KDM8: variants seen among roughly 807,000 people sequenced by gnomAD.
KDM8 encodes lysine demethylase 8, also known as bifunctional peptidase and arginyl-hydroxylase JMJD5.
A neutral mutation model predicts 46.9 loss-of-function variants in KDM8; 35 were observed. The ratio of observed to expected loss-of-function variants is 0.75; its 90% CI spans 0.57 to 0.99. The LOEUF (loss-of-function observed/expected upper bound fraction) is 0.99. Among genes scored for constraint, KDM8 ranks in the 50% least tolerant of loss-of-function variants. The pLI, the probability that KDM8 is intolerant of heterozygous loss-of-function variation, is 0.00. For synonymous variants in KDM8, 232 were observed against 227.7 expected (o/e 1.02, Z -0.17); for missense variants, 475 against 537.0 (o/e 0.88, Z 1.14).
chr16:27,213,532 A>G, intron 2 of KDM8, 53 bp from the exon 3 acceptor site: 3 of 1,586,874 alleles, frequency 1.9e-6, no homozygotes, highest in South Asian at 1.1e-5. Flanking sequence ...GAATACCTCA[A>G]ATGTCGACTT....
At position 27,213,633 on chromosome 16, in the gene KDM8, A is replaced by C; in HGVS notation, c.547A>C (p.Thr183Pro). The change falls in exon 3 of 8, where the codon ACA becomes CCA. Residue 183 changes from threonine (T) to proline (P), a missense_variant. Physicochemically the swap from Thr to Pro is conservative, Grantham distance 38. Coordinates refer to ENST00000286096, the MANE Select transcript of KDM8 (RefSeq NM_024773.3). ...GLIPDVKLEK[T>P]VPRLHRPSLQ... is the part of the protein sequence containing the mutation. ...GATTCCAGATGTGAAGTTAGAAAAA[A>C]CAGTCCCCCGGCTGCACCGTCCGTC... 2 of 1,614,112 alleles carry C rather than the reference A, an allele frequency of 1.2e-6. No homozygotes were observed. The highest frequency in any genetic ancestry group is 1.7e-6 in the Non-Finnish European group (2 of 1,180,012).
chr16:27,209,875 C>A (rs138120629), intron 1 of KDM8, among the ~76,000 whole-genome samples: 1 of 152,198 alleles, frequency 6.6e-6, no homozygotes, highest in Non-Finnish European at 1.5e-5. Context: ...TCTGAACAGA[C>A]GTTTATCCAG....
Position 27,210,367 on chromosome 16 carries a change from G to A in KDM8, c.244G>A (p.Gly82Ser). Residue 82 changes from glycine (G) to serine (S), a missense_variant, in exon 2 of 8, where the codon GGC becomes AGC. Gly to Ser is a moderately conservative substitution (Grantham distance 56). Transcript: ENST00000286096. ...CTACTCCTGGGAGAAGCTCAACACGGGCACATGGCAGGACGTAGACAAAGA... is the reference window on the plus strand; with the variant it reads ...CTACTCCTGGGAGAAGCTCAACACGAGCACATGGCAGGACGTAGACAAAGA... ...LDYSWEKLNT[G>S]TWQDVDKDWR... The A allele has an allele frequency of 6.2e-7, 1 of 1,613,410 alleles. No homozygotes were observed. The highest frequency in any genetic ancestry group is 8.5e-7 in the Non-Finnish European group (1 of 1,180,034).
Position 27,216,006 on chromosome 16 carries a change from G to C in KDM8, c.843+17G>C, listed in dbSNP as rs199973631. 47 of 1,613,830 alleles carry C rather than the reference G, an allele frequency of 2.9e-5. No individual in the cohort carries two copies. The highest frequency in any genetic ancestry group is 3.6e-5 in the Non-Finnish European group (43 of 1,179,824). ...TTTGACCAGGTAAGTCTGAGGCCAC[G>C]CACCTCTGCCCCTCACCGTCTCACC... On this transcript the variant is annotated intron_variant, in intron 5 of 7. Coordinates refer to ENST00000286096, the MANE Select transcript of KDM8 (RefSeq NM_024773.3).
intron 1 of KDM8, among the ~76,000 whole-genome samples, chr16:27,208,203 C>T (rs995109068): frequency 5.9e-5 from 9 of 152,184 alleles, no homozygotes; most frequent in East Asian, 5.8e-4. Context: ...TCTCCAAGGC[C>T]GATTTGCAAA....
intron 1 of KDM8, among the ~76,000 whole-genome samples, chr16:27,209,366 A>T (rs1163676423): frequency 6.6e-6 from 1 of 152,218 alleles, no homozygotes; most frequent in African/African-American, 2.4e-5. Context: ...AGCTGGGACC[A>T]CAGGCATGTA....
At chr16:27,217,987 G>A (rs2083573653) in intron 5 of KDM8, among the ~76,000 whole-genome samples, 1 of 152,084 alleles carries the variant, frequency 6.6e-6, no homozygotes. Flanking sequence ...CTTAGAGTGA[G>A]TGTGTTTTCA....
In KDM8 at chr16:27,220,773, A is replaced by G; in HGVS notation, c.*43A>G. 6.2e-7 allele frequency: 1 copy of G among 1,604,056 alleles called. No individual in the cohort carries two copies. The highest frequency in any genetic ancestry group is 8.5e-7 in the Non-Finnish European group (1 of 1,170,882). On this transcript the variant is annotated 3_prime_UTR_variant, in exon 8 of 8. Transcript: ENST00000286096. ...AGGGCCTGACATGCAGACAGCATTC[A>G]TCTGTTCACTAATTTCCTGGGTCCT...
At chr16:27,211,707 C>T (rs999912643) in intron 2 of KDM8, 1 of 152,236 alleles carries the variant, frequency 6.6e-6, no homozygotes, top group African/African-American at 2.4e-5. Flanking sequence ...GAGACGGAGT[C>T]TCACTCTGTC....
In KDM8 at chr16:27,213,654, C is replaced by A. The variant is rs1169881323; in HGVS notation, c.568C>A (p.Pro190Thr). 3 of 1,614,114 alleles carry A rather than the reference C, an allele frequency of 1.9e-6. No individual in the cohort carries two copies. The highest frequency in any genetic ancestry group is 2.5e-6 in the Non-Finnish European group (3 of 1,180,060). Residue 190 changes from proline to threonine, a missense_variant, in exon 3 of 8, where the codon CCG becomes ACG. Pro to Thr is a conservative substitution (Grantham distance 38, BLOSUM62 -1). Transcript: ENST00000286096. Reference sequence around the variant, plus strand: ...AAAAACAGTCCCCCGGCTGCACCGTCCGTCCCTCCAGCATTTCAGGGAGCA... The same window carrying A: ...AAAAACAGTCCCCCGGCTGCACCGTACGTCCCTCCAGCATTTCAGGGAGCA... ...LEKTVPRLHR[P>T]SLQHFREQFL... is the part of the protein sequence containing the mutation.
intron 6 of KDM8, 139 bp downstream of exon 6, chr16:27,219,249 G>C: frequency 4.6e-4 from 427 of 921,206 alleles, no homozygotes; most frequent in East Asian, 6.1e-4. Flanking sequence ...AAAATATAAA[G>C]CAAACCCACA....
In KDM8 at chr16:27,210,222, G is replaced by A. The variant is rs1596645495; in HGVS notation, c.99G>A (p.Leu33=). The change falls in exon 2 of 8, where the codon CTG becomes CTA. Residue 33 remains leucine (L), a synonymous_variant. Coordinates refer to ENST00000286096, the MANE Select transcript of KDM8 (RefSeq NM_024773.3). The part of the protein sequence containing the change: ...RALLPHSKED[L]KLDLGEKVER... ...TCCTGCCGCACAGTAAAGAAGACCTGAAGTTGGACCTCGGGGAGAAAGTGG... is the reference window on the plus strand; with the variant it reads ...TCCTGCCGCACAGTAAAGAAGACCTAAAGTTGGACCTCGGGGAGAAAGTGG... The A allele has an allele frequency of 9.9e-6, 16 of 1,613,368 alleles. No homozygotes were observed. Among genetic ancestry groups the A allele is most frequent in the Non-Finnish European group, 1.3e-5 (15 of 1,180,030 alleles).
Position 27,220,427 on chromosome 16 carries a change from C to A in KDM8, c.1028C>A (p.Pro343Gln). The change falls in exon 7 of 8, where the codon CCG becomes CAG. Residue 343 changes from proline to glutamine, a missense_variant. Coordinates refer to ENST00000286096, the MANE Select transcript of KDM8 (RefSeq NM_024773.3). ...AGGAAGTACATCCGGCTGTATTCCC[C>A]GCAGGAGTCAGGGGCTCTGTACCCT... ...MGRKYIRLYSPQESGALYPHD... is the reference protein window; with the variant it reads ...MGRKYIRLYSQQESGALYPHD... 1 of 1,614,068 alleles carries A rather than the reference C, an allele frequency of 6.2e-7. No individual in the cohort carries two copies. Among genetic ancestry groups the A allele is most frequent in the Non-Finnish European group, 8.5e-7 (1 of 1,180,004 alleles).
At chr16:27,217,411 CTGA>C (rs747610855) in intron 5 of KDM8, among the ~76,000 whole-genome samples, 4 of 152,156 alleles carry the variant, frequency 2.6e-5, no homozygotes, top group Admixed American at 6.5e-5. Flanking sequence ...TTCAGAAATC[CTGA>C]TGATGTCATC....
At chr16:27,208,064 A>C (rs1302466965) in intron 1 of KDM8, among the ~76,000 whole-genome samples, 1 of 152,220 alleles carries the variant, frequency 6.6e-6, no homozygotes, top group African/African-American at 2.4e-5. Context: ...TCATTGAAGA[A>C]CTCTGCATTA....
Position 27,210,378 on chromosome 16 carries a change from G to A in KDM8, c.255G>A (p.Gln85=). ...AGAAGCTCAACACGGGCACATGGCA[G>A]GACGTAGACAAAGACTGGCGCCGGG... ...SWEKLNTGTW[Q]DVDKDWRRVY... is the part of the protein sequence containing the mutation. The change falls in exon 2 of 8, where the codon CAG becomes CAA. Residue 85 remains glutamine (Q), a synonymous_variant. Coordinates refer to ENST00000286096, the MANE Select transcript of KDM8 (RefSeq NM_024773.3). The A allele has an allele frequency of 6.2e-7, 1 of 1,613,304 alleles. No individual in the cohort carries two copies. Among genetic ancestry groups the A allele is most frequent in the African/African-American group, 1.3e-5 (1 of 75,062 alleles).
intron 2 of KDM8, chr16:27,211,121 CTTTTTTT>C (rs370003010): frequency 1.0e-3 from 414 of 404,640 alleles, no homozygotes; most frequent in African/African-American, 6.1e-3. Context: ...CATTTTCTCT[CTTTTTTT>C]TTTTTTTTTT....
In KDM8 at chr16:27,220,603, A is replaced by G. The variant is rs139266266; in HGVS notation, c.1124A>G (p.Lys375Arg). The G allele has an allele frequency of 5.0e-6, 8 of 1,614,086 alleles. No homozygotes were observed. The highest frequency in any genetic ancestry group is 4.0e-5 in the African/African-American group (3 of 74,994). The change falls in exon 8 of 8, where the codon AAG (lysine) becomes AGG (arginine). Residue 375 changes from lysine (K) to arginine (R), a missense_variant. Lys to Arg is a conservative substitution (Grantham distance 26). Transcript: ENST00000286096. ...VENPDLEKFP[K>R]FAKAPFLSCI... Reference sequence around the variant, plus strand: ...AATCCCGACCTGGAAAAGTTCCCCAAGTTTGCCAAGGCCCCATTCCTGTCC... The same window carrying G: ...AATCCCGACCTGGAAAAGTTCCCCAGGTTTGCCAAGGCCCCATTCCTGTCC...
At chr16:27,208,004 A>G (rs2083443443) in intron 1 of KDM8, among the ~76,000 whole-genome samples, 1 of 152,248 alleles carries the variant, frequency 6.6e-6, no homozygotes, top group Non-Finnish European at 1.5e-5. Flanking sequence ...CTGGAAAACC[A>G]TCATATATTG....
Sources: allele counts gnomAD v4.1 joint callset (sites outside exome capture counted in the v4.1 genomes callset), GRCh38; gene constraint gnomAD v4.1.1; transcripts MANE v1.5; gene names NCBI Gene and HGNC (gene_info 2026-07-23, HGNC 2026-07-21).